Variants in PPM1H observed in about 807,000 individuals in gnomAD.
PPM1H encodes the protein protein phosphatase, Mg2+/Mn2+ dependent 1H.
Under a neutral mutation model 54.9 loss-of-function variants are expected in PPM1H, and 27 were observed. The ratio of observed to expected loss-of-function variants is 0.49; its 90% CI spans 0.36 to 0.68. PPM1H has a LOEUF of 0.68. Among genes scored for constraint, PPM1H ranks in the 30% least tolerant of loss-of-function variants. The pLI is 0.00. For missense variants in PPM1H, 596 were observed against 667.8 expected, an observed-to-expected ratio of 0.89 and a Z score of 1.19; for synonymous variants, 305 against 270.8, an observed-to-expected ratio of 1.13 and a Z score of -1.24.
chr12:62,878,616 T>C (rs1423495577), intron 1 of PPM1H, among the ~76,000 whole-genome samples: 3 of 91,926 alleles, frequency 3.3e-5, no homozygotes, highest in Admixed American at 1.7e-4. Context: ...TTTGAAACAA[T>C]GATTACGCTT....
chr12:62,934,851 C>G lies in PPM1H; in HGVS notation c.-115G>C, dbSNP rs886656912. The G allele has an allele frequency of 5.6e-6, 6 of 1,072,608 alleles. No homozygotes were observed. In the African/African-American group the frequency reaches 1.0e-4, roughly 18 times the overall value. The allele number at this position is 1,072,608 out of a possible 1,614,324, so 66.4% of individuals were successfully genotyped here. A position where few individuals can be genotyped will look rare whatever the true frequency, so the allele number is the denominator to read the frequency against. On this transcript the variant is annotated 5_prime_UTR_variant, in exon 1 of 10. Coordinates refer to ENST00000228705, the MANE Select transcript of PPM1H (RefSeq NM_020700.2). This position sits in a 1 kb window ranked among gnomAD's most constrained non-coding sequence, Gnocchi z 4.2. ...GCCGGGCGCACGGCGAGTCGGGCCACTGGGACGCGCCGCGCGCGGCTCCCA... is the reference window on the plus strand; with the variant it reads ...GCCGGGCGCACGGCGAGTCGGGCCAGTGGGACGCGCCGCGCGCGGCTCCCA...
At chr12:62,653,926 C>T (rs1037793353) in intron 9 of PPM1H, among the ~76,000 whole-genome samples, 2 of 151,920 alleles carry the variant, frequency 1.3e-5, no homozygotes, top group Non-Finnish European at 2.9e-5. Context: ...ACAGCTGGCA[C>T]CAGGGAAATG....
chr12:62,755,305 G>A, intron 4 of PPM1H: 2 of 1,083,242 alleles, frequency 1.8e-6, no homozygotes, highest in Non-Finnish European at 2.8e-6. Flanking sequence ...CTCTGGTAAA[G>A]TGGATATTGT....
chr12:62,893,887 C>T lies in PPM1H; in HGVS notation c.245+40605G>A, dbSNP rs1036547441. Among the ~76,000 whole-genome samples the T allele has an allele frequency of 3.3e-5, 5 of 152,134 alleles. 1 individual carries two copies. The highest frequency in any genetic ancestry group is 3.3e-4 in the Admixed American group (5 of 15,266). On this transcript the variant is annotated intron_variant, in intron 1 of 9. Coordinates refer to ENST00000228705, the MANE Select transcript of PPM1H (RefSeq NM_020700.2). ...ACTTCAACATATGAATTTTGGGGGA[C>T]ACAATTCAGCCTTTAACACTGGTCT...
intron 4 of PPM1H, among the ~76,000 whole-genome samples, chr12:62,738,795 C>T (rs2076364787): frequency 6.6e-6 from 1 of 152,080 alleles, no homozygotes; most frequent in African/African-American, 2.4e-5. Context: ...GAGTGGATGC[C>T]TCCTTCATTC....
At chr12:62,826,689 T>C (rs1868295234) in intron 2 of PPM1H, among the ~76,000 whole-genome samples, 1 of 152,194 alleles carries the variant, frequency 6.6e-6, no homozygotes, top group Non-Finnish European at 1.5e-5. Context: ...AGAAATCTTT[T>C]GAAAACACAT....
intron 6 of PPM1H, among the ~76,000 whole-genome samples, chr12:62,718,582 C>A (rs1195600823): frequency 6.6e-6 from 1 of 152,008 alleles, no homozygotes; most frequent in Non-Finnish European, 1.5e-5. Context: ...CATAGTCTCT[C>A]CTCTTCTATT....
At chr12:62,854,643 C>T (rs1383192462) in intron 1 of PPM1H, among the ~76,000 whole-genome samples, 1 of 152,106 alleles carries the variant, frequency 6.6e-6, no homozygotes, top group African/African-American at 2.4e-5. Flanking sequence ...TTACAGCACA[C>T]TTATTTTTTA....
chr12:62,700,702 A>G (rs2076139451), intron 6 of PPM1H, among the ~76,000 whole-genome samples: 2 of 152,194 alleles, frequency 1.3e-5, no homozygotes, highest in African/African-American at 2.4e-5. Flanking sequence ...TGATGTCACC[A>G]GGTGGATGGC....
At chr12:62,848,343 C>G (rs964067076) in intron 1 of PPM1H, among the ~76,000 whole-genome samples, 2 of 152,140 alleles carry the variant, frequency 1.3e-5, no homozygotes, top group African/African-American at 4.8e-5. Context: ...AAAACCAACA[C>G]CAAATCACCG....
intron 1 of PPM1H, among the ~76,000 whole-genome samples, chr12:62,928,204 A>G (rs763603052): frequency 3.2e-4 from 48 of 152,216 alleles, no homozygotes; most frequent in Non-Finnish European, 6.5e-4. Flanking sequence ...TAATCCTATC[A>G]CTATATGGTA....
intron 9 of PPM1H, 70 bp downstream of exon 9, chr12:62,667,108 A>C (rs1447482215): frequency 6.9e-7 from 1 of 1,451,894 alleles, no homozygotes; most frequent in Non-Finnish European, 9.4e-7. Context: ...AAATTGCATG[A>C]TTATTAATTT....
rs35225098 is a variant in PPM1H, at chr12:62,755,617, G to A, written c.870-18031C>T. 1.3e-3 allele frequency: 862 copies of A among 655,098 alleles called. 5 individuals are homozygous for A. Among genetic ancestry groups the A allele is most frequent in the Non-Finnish European group, 2.2e-3 (785 of 362,798 alleles). The allele number at this position is 655,098 out of a possible 1,614,324, so 40.6% of individuals were successfully genotyped here. A position where few individuals can be genotyped will look rare whatever the true frequency, so the allele number is the denominator to read the frequency against. ...CCCTTCTGCTGACACCCCCATGTCT[G>A]TGATGGGCATGAAGCATGAGAAGTA... On this transcript the variant is annotated intron_variant, in intron 4 of 9. Coordinates refer to ENST00000228705, the MANE Select transcript of PPM1H (RefSeq NM_020700.2).
chr12:62,682,031 T>C (rs554632056), intron 8 of PPM1H, among the ~76,000 whole-genome samples: 139 of 152,372 alleles, frequency 9.1e-4, no homozygotes, highest in Non-Finnish European at 1.8e-3. Flanking sequence ...CAAGGTCACT[T>C]AGCAAGTGCA....
intron 5 of PPM1H, among the ~76,000 whole-genome samples, chr12:62,723,760 C>A (rs370103559): frequency 6.6e-6 from 1 of 152,104 alleles, no homozygotes; most frequent in African/African-American, 2.4e-5. Context: ...AATACAGATA[C>A]GTGGCATGCA....
At chr12:62,776,709 C>T (rs1052167370) in intron 4 of PPM1H, among the ~76,000 whole-genome samples, 2 of 152,182 alleles carry the variant, frequency 1.3e-5, no homozygotes, top group East Asian at 1.9e-4. Flanking sequence ...CATTTCAACA[C>T]TCTACCTCCC....
chr12:62,868,284 T>G (rs1309672315), intron 1 of PPM1H, among the ~76,000 whole-genome samples: 1 of 152,220 alleles, frequency 6.6e-6, no homozygotes, highest in Non-Finnish European at 1.5e-5. Context: ...GGATTTGTTA[T>G]AGATTCCCTG....
chr12:62,707,194 A>G (rs1308244306), intron 6 of PPM1H, among the ~76,000 whole-genome samples: 6 of 152,194 alleles, frequency 3.9e-5, no homozygotes, highest in African/African-American at 1.4e-4. Context: ...TATCCCATGT[A>G]TTTATACTAT....
intron 2 of PPM1H, among the ~76,000 whole-genome samples, chr12:62,826,995 C>T (rs973466782): frequency 4.6e-5 from 7 of 152,200 alleles, no homozygotes; most frequent in African/African-American, 1.7e-4. Context: ...TAGAACCCCA[C>T]TGTCATCATG....
Sources: allele counts gnomAD v4.1 joint callset (sites outside exome capture counted in the v4.1 genomes callset), GRCh38; gene constraint gnomAD v4.1.1; non-coding constraint Gnocchi (gnomAD v3.1); transcripts MANE v1.5; gene names NCBI Gene and HGNC (gene_info 2026-07-23, HGNC 2026-07-21).